DAP3: variants seen among roughly 807,000 people sequenced by gnomAD.
DAP3 encodes small ribosomal subunit protein mS29.
A neutral mutation model predicts 51.9 loss-of-function variants in DAP3; 28 were observed. The ratio of observed to expected loss-of-function variants is 0.54; its 90% CI spans 0.40 to 0.74. The LOEUF is 0.74. Ranked by LOEUF, DAP3 falls within the 30% of genes least tolerant of loss-of-function variation. The probability of loss-of-function intolerance (pLI) is 0.00; values close to 1 mark genes in which losing one functional copy is unlikely to be tolerated. For synonymous variants in DAP3, 170 were observed against 170.3 expected, an observed-to-expected ratio of 1.00 and a Z score of 0.01; for missense variants, 458 against 483.5, an observed-to-expected ratio of 0.95 and a Z score of 0.49.
chr1:155,735,130 A>G (rs913926228), intron 11 of DAP3, among the ~76,000 whole-genome samples: 3 of 150,576 alleles, frequency 2.0e-5, no homozygotes, highest in South Asian at 2.1e-4. Context: ...AAAAGAAAAA[A>G]AAATTAGCCG....
At chr1:155,718,597 G>C (rs1255803838) in intron 3 of DAP3, among the ~76,000 whole-genome samples, 1 of 151,526 alleles carries the variant, frequency 6.6e-6, no homozygotes, top group African/African-American at 2.4e-5. Flanking sequence ...TGAGGCAGGA[G>C]AATGGTATGA....
At chr1:155,708,103 A>G (rs1362291267) in intron 1 of DAP3, among the ~76,000 whole-genome samples, 1 of 152,210 alleles carries the variant, frequency 6.6e-6, no homozygotes, top group Admixed American at 6.5e-5. Flanking sequence ...TCTGGAATGC[A>G]ATGGCACGAT....
intron 1 of DAP3, among the ~76,000 whole-genome samples, chr1:155,690,646 A>G (rs1229800653): frequency 7.0e-6 from 1 of 142,414 alleles, no homozygotes; most frequent in Non-Finnish European, 1.5e-5. Flanking sequence ...TGAAAATTGT[A>G]CCATGGTCAT....
chr1:155,689,437 A>T (rs1653348722), intron 1 of DAP3: 2 of 465,480 alleles, frequency 4.3e-6, no homozygotes, highest in South Asian at 1.5e-5. Flanking sequence ...GCACTTACTC[A>T]TGGATGGTAC....
At chr1:155,728,553 T>G (rs1234201078) in intron 7 of DAP3, among the ~76,000 whole-genome samples, 4 of 149,772 alleles carry the variant, frequency 2.7e-5, no homozygotes, top group Non-Finnish European at 5.9e-5. Flanking sequence ...CAGAGCGAGA[T>G]ATGGTCTCAA....
chr1:155,713,639 G>C (rs1228984117), intron 2 of DAP3, among the ~76,000 whole-genome samples: 4 of 152,162 alleles, frequency 2.6e-5, no homozygotes, highest in African/African-American at 9.7e-5. Context: ...TAGCCTAGGA[G>C]ACAAGCATGT....
At chr1:155,689,367 C>T (rs1352763800) in intron 1 of DAP3, 193 bp downstream of exon 1, 2 of 511,534 alleles carry the variant, frequency 3.9e-6, no homozygotes, top group African/African-American at 3.8e-5. Context: ...GTTAACCCTC[C>T]TCGGATTTCT....
At chr1:155,730,778 C>CT (rs1659157724) in intron 9 of DAP3, among the ~76,000 whole-genome samples, 1 of 151,830 alleles carries the variant, frequency 6.6e-6, no homozygotes, top group Non-Finnish European at 1.5e-5. Context: ...TCTTTTGATT[C>CT]TTTTTTCAAA....
intron 1 of DAP3, among the ~76,000 whole-genome samples, chr1:155,704,142 A>G (rs1655669447): frequency 6.6e-6 from 1 of 152,194 alleles, no homozygotes; most frequent in Admixed American, 6.5e-5. Context: ...CTGAGACCCG[A>G]TCTCACAAAA....
intron 1 of DAP3, among the ~76,000 whole-genome samples, chr1:155,699,873 C>T (rs961635539): frequency 1.3e-5 from 2 of 152,188 alleles, no homozygotes; most frequent in Non-Finnish European, 2.9e-5. Flanking sequence ...GTCTCAGCCT[C>T]CCGAAGTGTG....
At chr1:155,736,214 A>T (rs1015414631) in intron 11 of DAP3, among the ~76,000 whole-genome samples, 4 of 151,504 alleles carry the variant, frequency 2.6e-5, no homozygotes, top group Non-Finnish European at 2.9e-5. Context: ...CTGATCTCGA[A>T]CTCCTGACCT....
chr1:155,721,087 G>A (rs1197245233), intron 3 of DAP3, among the ~76,000 whole-genome samples: 1 of 151,102 alleles, frequency 6.6e-6, no homozygotes, highest in African/African-American at 2.4e-5. Context: ...TGTAATCGCA[G>A]CATTTTGGGA....
intron 2 of DAP3, among the ~76,000 whole-genome samples, chr1:155,711,203 C>T (rs1404325151): frequency 2.0e-5 from 3 of 151,980 alleles, no homozygotes; most frequent in Non-Finnish European, 4.4e-5. Flanking sequence ...AAATAAATTT[C>T]CTCTCTCGGC....
chr1:155,705,407 G>A (rs1355417875), intron 1 of DAP3, among the ~76,000 whole-genome samples: 1 of 151,178 alleles, frequency 6.6e-6, no homozygotes, highest in African/African-American at 2.4e-5. Context: ...GACCATCCTG[G>A]GCACCATAGC....
intron 11 of DAP3, among the ~76,000 whole-genome samples, chr1:155,733,298 T>C (rs901710211): frequency 2.6e-5 from 4 of 152,228 alleles, no homozygotes; most frequent in African/African-American, 9.6e-5. Context: ...CTGGTTTCTC[T>C]TCAGTAAAGT....
In DAP3 at chr1:155,709,817, T is replaced by A. The variant is rs1470221997; in HGVS notation, c.38T>A (p.Ile13Asn). The change falls in exon 2 of 13, where the codon ATC (isoleucine) becomes AAC (asparagine). Residue 13 changes from isoleucine (I) to asparagine (N), a missense_variant. Physicochemically the swap from Ile to Asn is moderately radical, Grantham distance 149. Coordinates refer to ENST00000368336, the MANE Select transcript of DAP3 (RefSeq NM_004632.4). ...GGAATAACAAGGCTTATCTCTAGGA[T>A]CCATAAGGTGAGTCCTGACTGACCT... Reference protein sequence around the residue: ...LKGITRLISRIHKLDPGRFLH... With the variant: ...LKGITRLISRNHKLDPGRFLH... The A allele has an allele frequency of 4.3e-6, 7 of 1,613,472 alleles. No individual in the cohort carries two copies. The African/African-American group carries it at 8.0e-5, about 18-fold the overall frequency.
At chr1:155,738,136 C>T (rs752641601) in intron 12 of DAP3, 21 bp from the exon 13 acceptor site, 7 of 1,613,372 alleles carry the variant, frequency 4.3e-6, no homozygotes, top group Non-Finnish European at 5.9e-6. Flanking sequence ...TGCCACTTAC[C>T]TGTGTTTGTC....
intron 2 of DAP3, chr1:155,710,040 ATTAACT>A: frequency 2.3e-6 from 1 of 432,758 alleles, no homozygotes. Flanking sequence ...AATTATCTTT[ATTAACT>A]TTATTTCTCT....
intron 1 of DAP3, among the ~76,000 whole-genome samples, chr1:155,701,440 C>T (rs1197752243): frequency 9.0e-6 from 1 of 111,610 alleles, no homozygotes; most frequent in Non-Finnish European, 1.8e-5. Context: ...GGATTAAGGG[C>T]GGTGCAAGAT....
Sources: gnomAD v4.1 joint callset for allele counts (sites outside exome capture counted in the v4.1 genomes callset) on GRCh38, gnomAD v4.1.1 for gene constraint, MANE v1.5 for transcripts, NCBI Gene and HGNC (gene_info 2026-07-23, HGNC 2026-07-21) for gene names.